The following PCBD2 variants were observed in gnomAD, a reference collection of about 807,000 sequenced individuals.
The protein encoded by PCBD2 is pterin-4-alpha-carbinolamine dehydratase 2.
PCBD2 carries 12 observed loss-of-function variants against 16.4 expected under a neutral mutation model. The ratio of observed to expected loss-of-function variants is 0.73; its 90% confidence interval spans 0.47 to 1.19. The LOEUF (loss-of-function observed/expected upper bound fraction) is 1.19, where lower values mean the gene tolerates loss of function less well. Ranked by LOEUF, PCBD2 falls within the 50% of genes most tolerant of loss-of-function variation. PCBD2 has a pLI of 0.00. For synonymous variants in PCBD2, 58 were observed against 61.8 expected (o/e 0.94, Z 0.29); for missense variants, 138 against 156.8 (o/e 0.88, Z 0.64).
intron 2 of PCBD2, among the ~76,000 whole-genome samples, chr5:134,952,629 C>A (rs561023493): frequency 6.6e-6 from 1 of 152,038 alleles, no homozygotes; most frequent in Non-Finnish European, 1.5e-5. Context: ...CATAACAAGA[C>A]CCCATTTCTA....
chr5:134,955,160 C>T (rs1751400692), intron 2 of PCBD2, among the ~76,000 whole-genome samples: 1 of 151,414 alleles, frequency 6.6e-6, no homozygotes, highest in Admixed American at 6.6e-5. Flanking sequence ...TGAAATATTA[C>T]AATTTATAGA....
In PCBD2 at chr5:134,930,299, A is replaced by G. The variant is rs569988994; in HGVS notation, c.216+19833A>G. Among the ~76,000 whole-genome samples the G allele has an allele frequency of 4.6e-5, 7 of 152,050 alleles. No homozygotes were observed. In the South Asian group the frequency reaches 6.2e-4, roughly 14 times the overall value. ...GGTTACCTAGTTGTATTTTGAATGC[A>G]TGAGGGCCCATGATTAGGTTCCCCA... On this transcript the variant is annotated intron_variant, in intron 2 of 3. Transcript: ENST00000254908.
chr5:134,912,295 T>A (rs569137115), intron 2 of PCBD2, among the ~76,000 whole-genome samples: 57 of 152,338 alleles, frequency 3.7e-4, no homozygotes, highest in African/African-American at 1.3e-3. Context: ...TCCTATGACT[T>A]CTGCGTGTAC....
In PCBD2 at chr5:134,959,119, A is replaced by T; in HGVS notation, c.296A>T (p.Lys99Met). 6.2e-7 allele frequency: 1 copy of T among 1,607,918 alleles called. No homozygotes were observed. Among genetic ancestry groups the T allele is most frequent in the Non-Finnish European group, 8.5e-7 (1 of 1,176,072 alleles). Residue 99 changes from lysine (K) to methionine (M), a missense_variant and splice_region_variant, in exon 3 of 4, where the codon AAG becomes ATG. By Grantham distance (95) the Lys-to-Met change is moderately conservative. Coordinates refer to ENST00000254908, the MANE Select transcript of PCBD2 (RefSeq NM_032151.5). ...CCAGAATGGTTCAATGTATACAACA[A>T]GGTAACTAAACTGCCTTATTTGGGA... ...HHPEWFNVYNKVQITLTSHDC... is the reference protein window; with the variant it reads ...HHPEWFNVYNMVQITLTSHDC...
At chr5:134,943,900 TGTAAC>T (rs1366773960) in intron 2 of PCBD2, among the ~76,000 whole-genome samples, 1 of 152,222 alleles carries the variant, frequency 6.6e-6, no homozygotes, top group African/African-American at 2.4e-5. Flanking sequence ...TTAATAAACT[TGTAAC>T]AAAGTGTATC....
intron 1 of PCBD2, 72 bp downstream of exon 1, chr5:134,905,295 G>A (rs1750671181): frequency 2.5e-6 from 3 of 1,190,970 alleles, no homozygotes; most frequent in Non-Finnish European, 1.0e-6. Context: ...GGCGTCGGCT[G>A]AGGGACCAGC....
intron 2 of PCBD2, chr5:134,927,381 G>C: frequency 2.5e-6 from 1 of 398,402 alleles, no homozygotes. Flanking sequence ...TTCGACATGG[G>C]CTTTAGGGAG....
rs1158334317 is a variant in PCBD2 at position 134,906,194 on chromosome 5, ATTTTTTTTTTT to A, written c.84+988_84+998del. ...TGGCCTGAAATTCTTTAATAGAAGAATTTTTTTTTTTTTTTTTTTTTTTTTTTGAGAAGGAG... is the reference window on the plus strand; with the variant it reads ...TGGCCTGAAATTCTTTAATAGAAGAATTTTTTTTTTTTTTTTGAGAAGGAG... On this transcript the variant is annotated intron_variant, in intron 1 of 3. Coordinates refer to ENST00000254908, the MANE Select transcript of PCBD2 (RefSeq NM_032151.5). 3.1e-3 allele frequency among the ~76,000 whole-genome samples: 206 copies of A among 66,526 alleles called. 2 individuals carry two copies. The highest frequency in any genetic ancestry group is 9.3e-3 in the African/African-American group (137 of 14,664). 43.6% of individuals were successfully genotyped at this position (66,526 alleles called of 152,430 possible).
At chr5:134,924,001 A>G in intron 2 of PCBD2, 2 of 394,770 alleles carry the variant, frequency 5.1e-6, no homozygotes, top group Admixed American at 4.4e-5. Flanking sequence ...TCGATAAATG[A>G]GCGGTTAATT....
chr5:134,947,610 A>T (rs1319604257), intron 2 of PCBD2, among the ~76,000 whole-genome samples: 1 of 150,736 alleles, frequency 6.6e-6, no homozygotes, highest in Non-Finnish European at 1.5e-5. Context: ...GATTGTCTTG[A>T]TCTCCTGACC....
chr5:134,935,607 C>T (rs927606170), intron 2 of PCBD2, among the ~76,000 whole-genome samples: 3 of 152,150 alleles, frequency 2.0e-5, no homozygotes, highest in Non-Finnish European at 4.4e-5. Context: ...TTGGTGTCCT[C>T]TCATTTGACA....
intron 2 of PCBD2, among the ~76,000 whole-genome samples, chr5:134,946,428 C>T (rs1306943702): frequency 5.3e-5 from 8 of 152,066 alleles, no homozygotes; most frequent in South Asian, 2.1e-4. Context: ...ACATTGCTGC[C>T]GTTTATCACT....
Position 134,961,626 on chromosome 5 carries a change from T to A in PCBD2, c.*945T>A, listed in dbSNP as rs902543324. On this transcript the variant is annotated 3_prime_UTR_variant, in exon 4 of 4. Transcript: ENST00000254908. Reference sequence around the variant, plus strand: ...ATTCAAGAAATTGGGATGGGGAGTATTCACACATTTTATAACCCAGAAATT... The same window carrying A: ...ATTCAAGAAATTGGGATGGGGAGTAATCACACATTTTATAACCCAGAAATT... Among the ~76,000 whole-genome samples the A allele has an allele frequency of 1.3e-5, 2 of 152,164 alleles. No homozygotes were observed. The highest frequency in any genetic ancestry group is 2.9e-5 in the Non-Finnish European group (2 of 68,038).
intron 2 of PCBD2, among the ~76,000 whole-genome samples, chr5:134,943,186 A>G (rs1751252350): frequency 6.6e-6 from 1 of 152,228 alleles, no homozygotes; most frequent in Non-Finnish European, 1.5e-5. Context: ...CATTCACATT[A>G]TAGCCCAGGG....
chr5:134,922,378 C>G (rs1272831186), intron 2 of PCBD2, among the ~76,000 whole-genome samples: 1 of 151,946 alleles, frequency 6.6e-6, no homozygotes, highest in Non-Finnish European at 1.5e-5. Flanking sequence ...TTTATTCAAA[C>G]TGTTCTTCTC....
chr5:134,906,132 C>T (rs1750686230), intron 1 of PCBD2, among the ~76,000 whole-genome samples: 1 of 151,676 alleles, frequency 6.6e-6, no homozygotes, highest in African/African-American at 2.4e-5. Context: ...CCTCGGCCTC[C>T]CAAAGTGCTG....
chr5:134,923,809 AG>A (rs1196989197), intron 2 of PCBD2: 9 of 393,802 alleles, frequency 2.3e-5, no homozygotes, highest in Non-Finnish European at 3.6e-5. Flanking sequence ...GCGTGAAGGT[AG>A]CGGATGATTC....
intron 2 of PCBD2, among the ~76,000 whole-genome samples, chr5:134,949,891 TTTAA>T (rs1161299301): frequency 1.3e-5 from 2 of 152,236 alleles, no homozygotes; most frequent in Admixed American, 1.3e-4. Flanking sequence ...TTTCATTATT[TTTAA>T]TTAAAGTTGA....
At chr5:134,958,990 T>C in intron 2 of PCBD2, 50 bp from the exon 3 acceptor site, 1 of 1,449,392 alleles carries the variant, frequency 6.9e-7, no homozygotes, top group South Asian at 1.2e-5. Flanking sequence ...TCTCTCAGGC[T>C]TAGGGTAGAG....
Sources: gnomAD v4.1 joint callset for allele counts (sites outside exome capture counted in the v4.1 genomes callset) on GRCh38, gnomAD v4.1.1 for gene constraint, MANE v1.5 for transcripts, NCBI Gene and HGNC (gene_info 2026-07-23, HGNC 2026-07-21) for gene names.